KSR1: variants seen among roughly 807,000 people sequenced by gnomAD.
KSR1 encodes kinase suppressor of ras.
Under a neutral mutation model 92.9 loss-of-function variants are expected in KSR1, and 35 were observed. That is an observed-to-expected ratio of 0.38 (90% confidence interval 0.29 to 0.50). The LOEUF (loss-of-function observed/expected upper bound fraction) is 0.50, where lower values mean the gene tolerates loss of function less well. KSR1 is among the 20% of genes least tolerant of loss of function. KSR1 has a pLI of 0.94. For missense variants in KSR1, 972 were observed against 1,158.5 expected, an observed-to-expected ratio of 0.84 and a Z score of 2.34; for synonymous variants, 467 against 472.6, an observed-to-expected ratio of 0.99 and a Z score of 0.15.
chr17:27,486,152 C>T (rs1054684663), intron 1 of KSR1, among the ~76,000 whole-genome samples: 1 of 152,256 alleles, frequency 6.6e-6, no homozygotes, highest in Non-Finnish European at 1.5e-5. Flanking sequence ...TTGCTGCAAG[C>T]AAAACCATCC....
At chr17:27,521,316 A>ACC (rs1488179544) in intron 1 of KSR1, among the ~76,000 whole-genome samples, 3 of 148,370 alleles carry the variant, frequency 2.0e-5, no homozygotes, top group African/African-American at 7.4e-5. Context: ...GAGGACAGTG[A>ACC]GTTGACAAAG....
chr17:27,571,415 A>T (rs1319131112), intron 2 of KSR1, among the ~76,000 whole-genome samples: 1 of 152,116 alleles, frequency 6.6e-6, no homozygotes, highest in African/African-American at 2.4e-5. Flanking sequence ...CCAATTTGAG[A>T]CATGTGGCTC....
intron 1 of KSR1, among the ~76,000 whole-genome samples, chr17:27,532,894 C>T (rs1247464376): frequency 6.6e-6 from 1 of 152,178 alleles, no homozygotes; most frequent in Admixed American, 6.5e-5. Context: ...TCAGACCCAG[C>T]GCCTCAAGCC....
At chr17:27,587,413 T>C (rs1308918514) in intron 5 of KSR1, 1 of 152,250 alleles carries the variant, frequency 6.6e-6, no homozygotes, top group Non-Finnish European at 1.5e-5. Context: ...AGCTTTGTGC[T>C]AGACCAGCAC....
chr17:27,509,897 T>C (rs576155447), intron 1 of KSR1, among the ~76,000 whole-genome samples: 8 of 152,300 alleles, frequency 5.3e-5, no homozygotes, highest in African/African-American at 1.9e-4. Flanking sequence ...AGAGGCCACG[T>C]TGGGCGAGCA....
At chr17:27,547,871 C>A (rs1463175314) in intron 1 of KSR1, among the ~76,000 whole-genome samples, 1 of 151,896 alleles carries the variant, frequency 6.6e-6, no homozygotes, top group Non-Finnish European at 1.5e-5. Flanking sequence ...TGCCACCATG[C>A]CTGGCTAATT....
rs566954906 is a variant in KSR1 at position 27,472,585 on chromosome 17, G to A, written c.231+15711G>A. Among the ~76,000 whole-genome samples the A allele has an allele frequency of 5.6e-4, 85 of 152,288 alleles. 1 individual carries two copies. The highest frequency in any genetic ancestry group is 9.1e-4 in the Admixed American group (14 of 15,304). On this transcript the variant is annotated intron_variant, in intron 1 of 20. Transcript: ENST00000644974. ...GCACTTTGGGAGGCCGAGGTGGGCC[G>A]ATTACCTGAGGTCAGGTGACCAGCC...
At chr17:27,570,881 T>C (rs1324033131) in intron 2 of KSR1, among the ~76,000 whole-genome samples, 1 of 152,168 alleles carries the variant, frequency 6.6e-6, no homozygotes, top group Non-Finnish European at 1.5e-5. Flanking sequence ...CGGTCTGAAG[T>C]GGGGCCCAAG....
intron 1 of KSR1, among the ~76,000 whole-genome samples, chr17:27,499,295 T>G (rs1448282976): frequency 6.6e-6 from 1 of 152,138 alleles, no homozygotes; most frequent in Non-Finnish European, 1.5e-5. Context: ...CTGCTTTAAA[T>G]GAAGTCCACC....
Position 27,459,916 on chromosome 17 carries a change from C to T in KSR1, c.231+3042C>T, listed in dbSNP as rs1474330877. 1.3e-5 allele frequency among the ~76,000 whole-genome samples: 2 copies of T among 152,154 alleles called. No individual in the cohort carries two copies. The highest frequency in any genetic ancestry group is 1.5e-5 in the Non-Finnish European group (1 of 68,036). ...AAGGGTAGAAGGAGCTGAGACTTAA[C>T]GTTTGCTGCCTGTGTGCCTAGCAGC... On this transcript the variant is annotated intron_variant, in intron 1 of 20. Coordinates refer to ENST00000644974, the MANE Select transcript of KSR1 (RefSeq NM_001394583.1). The surrounding 1 kb of genome is among the most constrained non-coding windows in gnomAD (Gnocchi z 4.6).
rs370924005 is a variant in KSR1 at position 27,582,827 on chromosome 17, C to T, written c.702C>T (p.Pro234=). ...GPRSISVSAL[P]ASDSPTPSFS... ...GCTCCATCTCCGTGTCAGCTCTGCC[C>T]GCCTCAGACTCCCCCACCCCCAGCT... is the stretch of plus-strand genomic sequence containing the variant. Residue 234 remains proline, a synonymous_variant, in exon 4 of 21, where the codon CCC becomes CCT. Coordinates refer to ENST00000644974, the MANE Select transcript of KSR1 (RefSeq NM_001394583.1). 43 of 1,613,466 alleles carry T rather than the reference C, an allele frequency of 2.7e-5. No homozygotes were observed. Among genetic ancestry groups the T allele is most frequent in the Non-Finnish European group, 3.3e-5 (39 of 1,179,736 alleles).
At chr17:27,591,959 G>A (rs1419255068) in intron 7 of KSR1, among the ~76,000 whole-genome samples, 3 of 152,242 alleles carry the variant, frequency 2.0e-5, no homozygotes, top group Non-Finnish European at 2.9e-5. Flanking sequence ...TGCCCTTTGG[G>A]TCCCTGGGAT....
At position 27,604,541 on chromosome 17, in the gene KSR1, C is replaced by T; in HGVS notation, c.1566-139C>T. ...CCTCAGCCTCCTGCCTATTGCCATG[C>T]TATCCACGCGGCCTTTCCCCTAGCC... On this transcript the variant is annotated intron_variant, in intron 12 of 20. Coordinates refer to ENST00000644974, the MANE Select transcript of KSR1 (RefSeq NM_001394583.1). 3 of 766,620 alleles carry T rather than the reference C, an allele frequency of 3.9e-6. No homozygotes were observed. The South Asian group carries it at 4.7e-5, about 12-fold the overall frequency. 47.5% of individuals were successfully genotyped at this position (766,620 alleles called of 1,614,324 possible).
intron 1 of KSR1, among the ~76,000 whole-genome samples, chr17:27,457,564 G>A (rs1470329343): frequency 6.6e-6 from 1 of 152,180 alleles, no homozygotes; most frequent in Non-Finnish European, 1.5e-5. Flanking sequence ...TTGGTGGGAA[G>A]ATGAAACTGT....
intron 2 of KSR1, among the ~76,000 whole-genome samples, chr17:27,575,277 G>A (rs2072460425): frequency 6.6e-6 from 1 of 152,204 alleles, no homozygotes; most frequent in South Asian, 2.1e-4. Flanking sequence ...GATTATTTGT[G>A]AATTTTCTGG....
At chr17:27,553,460 T>C (rs2071475248) in intron 2 of KSR1, among the ~76,000 whole-genome samples, 1 of 152,196 alleles carries the variant, frequency 6.6e-6, no homozygotes, top group Non-Finnish European at 1.5e-5. Flanking sequence ...CTGACAGAGC[T>C]GGGCCAAGTG....
chr17:27,472,331 G>A (rs544518054), intron 1 of KSR1, among the ~76,000 whole-genome samples: 11 of 152,328 alleles, frequency 7.2e-5, no homozygotes, highest in Middle Eastern at 3.4e-3. Flanking sequence ...CACATAGCGA[G>A]GTGTGGACCT....
chr17:27,457,838 C>T (rs2019251301), intron 1 of KSR1, among the ~76,000 whole-genome samples: 1 of 152,096 alleles, frequency 6.6e-6, no homozygotes, highest in Non-Finnish European at 1.5e-5. Flanking sequence ...CTTGCCCTGC[C>T]ACATCTGGCC....
chr17:27,526,517 C>A lies in KSR1; in HGVS notation c.232-24051C>A. The A allele has an allele frequency of 1.9e-6, 3 of 1,604,268 alleles. No individual in the cohort carries two copies. The South Asian group carries it at 3.3e-5, about 18-fold the overall frequency. On this transcript the variant is annotated intron_variant, in intron 1 of 20. Transcript: ENST00000644974. ...TTTTTATCCTGTGTTCCTCCTCTGC[C>A]ATCTCACACTCTCGCTCTGTCTGCT... is the stretch of plus-strand genomic sequence containing the variant.
Sources: gnomAD v4.1 joint callset for allele counts (sites outside exome capture counted in the v4.1 genomes callset) on GRCh38, gnomAD v4.1.1 for gene constraint, Gnocchi (gnomAD v3.1) non-coding constraint, MANE v1.5 for transcripts, NCBI Gene and HGNC (gene_info 2026-07-23, HGNC 2026-07-21) for gene names.